The following NEK9 variants were observed in gnomAD, a reference collection of about 807,000 sequenced individuals.
The protein encoded by NEK9 is serine/threonine-protein kinase Nek9.
In NEK9, 75 loss-of-function variants were observed where a neutral mutation model predicts 123.4. The observed-to-expected ratio is 0.61, with a 90% confidence interval of 0.50 to 0.74. The LOEUF (loss-of-function observed/expected upper bound fraction) is 0.74. Ranked by LOEUF, NEK9 falls within the 30% of genes least tolerant of loss-of-function variation. NEK9 has a pLI of 0.00. For synonymous variants in NEK9, 438 were observed against 458.7 expected (o/e 0.95, Z 0.58); for missense variants, 952 against 1,214.4 (o/e 0.78, Z 3.21).
chr14:75,087,041 T>C lies in NEK9; in HGVS notation c.2794A>G (p.Lys932Glu). ...ACCTGCTGCCCTCCTTCTAATTTCT[T>C]GTTCAACTTCTGCAGTTGGGTAAAA... Reference protein sequence around the residue: ...QIFTQLQKLNKKLEGGQQVGM... With the variant: ...QIFTQLQKLNEKLEGGQQVGM... Residue 932 changes from lysine (K) to glutamate (E), a missense_variant, in exon 21 of 22, where the codon AAG becomes GAG. Coordinates refer to ENST00000238616, the MANE Select transcript of NEK9 (RefSeq NM_033116.6). 3 of 1,614,266 alleles carry C rather than the reference T, an allele frequency of 1.9e-6. No individual in the cohort carries two copies. The highest frequency in any genetic ancestry group is 2.5e-6 in the Non-Finnish European group (3 of 1,180,042).
At chr14:75,101,175 A>G (rs762027439) in intron 15 of NEK9, 22 bp from the exon 16 acceptor site, 7 of 1,607,074 alleles carry the variant, frequency 4.4e-6, no homozygotes, top group East Asian at 2.2e-5. Context: ...GCAAAAAGAA[A>G]TAACAAGGCA....
chr14:75,116,250 A>G (rs1895137453), intron 6 of NEK9, among the ~76,000 whole-genome samples: 2 of 152,202 alleles, frequency 1.3e-5, no homozygotes. Flanking sequence ...TTTTGAAACA[A>G]GCTTGGGTAA....
chr14:75,101,117 C>T lies in NEK9; in HGVS notation c.1877G>A (p.Cys626Tyr), dbSNP rs776307719. 2 of 1,614,112 alleles carry T rather than the reference C, an allele frequency of 1.2e-6. No homozygotes were observed. Among genetic ancestry groups the T allele is most frequent in the East Asian group, 4.5e-5 (2 of 44,900 alleles). Residue 626 changes from cysteine (C) to tyrosine (Y), a missense_variant, in exon 16 of 22, where the codon TGT (cysteine) becomes TAT (tyrosine). Physicochemically the swap from Cys to Tyr is radical, Grantham distance 194. Transcript: ENST00000238616. ...GRLLTFGCNKCGQLGVGNYKK... is the reference protein window; with the variant it reads ...GRLLTFGCNKYGQLGVGNYKK... The stretch of plus-strand genomic sequence containing the variant: ...GTAGTTCCCAACGCCCAGCTGCCCA[C>T]ACTTGTTGCAGCCAAAGGTCAGCAG...
intron 21 of NEK9, among the ~76,000 whole-genome samples, chr14:75,086,252 G>A (rs926900486): frequency 6.6e-6 from 1 of 151,576 alleles, no homozygotes; most frequent in Non-Finnish European, 1.5e-5. Flanking sequence ...TGATGGTGGT[G>A]GAGGGAGCTG....
chr14:75,099,202 G>A (rs1195714805), intron 16 of NEK9, among the ~76,000 whole-genome samples: 1 of 152,104 alleles, frequency 6.6e-6, no homozygotes, highest in African/African-American at 2.4e-5. Flanking sequence ...GCACACGCCT[G>A]TAATTCCAGC....
At chr14:75,088,135 C>G (rs1447935779) in intron 20 of NEK9, among the ~76,000 whole-genome samples, 1 of 152,196 alleles carries the variant, frequency 6.6e-6, no homozygotes, top group Non-Finnish European at 1.5e-5. Flanking sequence ...TGTGTTGCTT[C>G]CTCACTAGAC....
chr14:75,102,388 C>A (rs1594834709), intron 14 of NEK9, among the ~76,000 whole-genome samples: 1 of 152,020 alleles, frequency 6.6e-6, no homozygotes, highest in East Asian at 1.9e-4. Context: ...TGCTTTGTCG[C>A]CCAGGCTGGA....
chr14:75,126,608 C>T (rs1481241206), intron 1 of NEK9, 95 bp downstream of exon 1: 1 of 1,020,426 alleles, frequency 9.8e-7, no homozygotes, highest in Non-Finnish European at 1.3e-6. Flanking sequence ...GCCTAAAGCA[C>T]TAAGCTCACG....
chr14:75,120,006 A>G (rs1895273047), intron 4 of NEK9, among the ~76,000 whole-genome samples: 2 of 152,244 alleles, frequency 1.3e-5, no homozygotes, highest in Non-Finnish European at 2.9e-5. Flanking sequence ...CTCACTTAAG[A>G]AGGGCATAAT....
At chr14:75,120,234 C>G (rs1895280433) in intron 4 of NEK9, among the ~76,000 whole-genome samples, 1 of 152,148 alleles carries the variant, frequency 6.6e-6, no homozygotes, top group Non-Finnish European at 1.5e-5. Context: ...CCCTTCTAGG[C>G]TTTACTGATG....
intron 8 of NEK9, among the ~76,000 whole-genome samples, chr14:75,111,066 C>T (rs1473521640): frequency 1.3e-5 from 2 of 152,180 alleles, no homozygotes; most frequent in Non-Finnish European, 2.9e-5. Context: ...TGCCAAATAA[C>T]TCTTCCTTAG....
At chr14:75,092,397 G>A (rs1894248613) in intron 18 of NEK9, among the ~76,000 whole-genome samples, 1 of 151,998 alleles carries the variant, frequency 6.6e-6, no homozygotes, top group African/African-American at 2.4e-5. Context: ...CTCCTGAGTA[G>A]CTGGGATTAC....
intron 18 of NEK9, chr14:75,091,684 G>A: frequency 2.3e-6 from 1 of 442,728 alleles, no homozygotes; most frequent in East Asian, 3.6e-5. Flanking sequence ...TGTATATCAG[G>A]ATGCTCATAA....
At chr14:75,122,470 T>C (rs577796271) in intron 2 of NEK9, among the ~76,000 whole-genome samples, 2 of 152,310 alleles carry the variant, frequency 1.3e-5, no homozygotes, top group East Asian at 1.9e-4. Flanking sequence ...CCAAGCACTA[T>C]GCATGTAATA....
intron 7 of NEK9, among the ~76,000 whole-genome samples, 178 bp downstream of exon 7, chr14:75,114,025 T>C (rs1344203225): frequency 6.6e-6 from 1 of 152,232 alleles, no homozygotes; most frequent in African/African-American, 2.4e-5. Context: ...TAAGAATTTG[T>C]TCACTGAAGC....
rs1252853595 is a variant in NEK9, at chr14:75,124,282, C to T, written c.220-59G>A. 6.0e-6 allele frequency: 9 copies of T among 1,503,602 alleles called. 1 individual carries two copies. In the Middle Eastern group the frequency reaches 1.2e-3, roughly 202 times the overall value. The allele number at this position is 1,503,602 out of a possible 1,614,324, so 93.1% of individuals were successfully genotyped here. A position where few individuals can be genotyped will look rare whatever the true frequency, so the allele number is the denominator to read the frequency against. Reference sequence around the variant, plus strand: ...TCTTGCCTGGCAGCAAATGAATCCACACCTAGATCTGTAAGCCTAGAAGGA... The same window carrying T: ...TCTTGCCTGGCAGCAAATGAATCCATACCTAGATCTGTAAGCCTAGAAGGA... On this transcript the variant is annotated intron_variant, in intron 1 of 21. Transcript: ENST00000238616.
In NEK9 at chr14:75,118,845, A is replaced by G; in HGVS notation, c.615T>C (p.Tyr205=). 6.3e-7 allele frequency: 1 copy of G among 1,598,072 alleles called. No homozygotes were observed. The highest frequency in any genetic ancestry group is 8.6e-7 in the Non-Finnish European group (1 of 1,165,530). Residue 205 remains tyrosine, a synonymous_variant, in exon 5 of 22, where the codon TAT becomes TAC. Transcript: ENST00000238616. The part of the protein sequence containing the change: ...YGLAKKLNSE[Y]SMAETLVGTP... ...CAACACATACCGTCTCAGCCATGGA[A>G]TACTCAGAATTAAGTTTCTTTGCTA... is the stretch of plus-strand genomic sequence containing the variant.
chr14:75,097,849 A>T (rs961182025), intron 16 of NEK9, among the ~76,000 whole-genome samples: 30 of 152,278 alleles, frequency 2.0e-4, no homozygotes, highest in Admixed American at 2.0e-3. Flanking sequence ...AGCAACAGCA[A>T]AAGTAATGTC....
At chr14:75,105,087 T>C (rs1253337391) in intron 13 of NEK9, among the ~76,000 whole-genome samples, 1 of 152,122 alleles carries the variant, frequency 6.6e-6, no homozygotes, top group Admixed American at 6.5e-5. Context: ...CATATCTTTT[T>C]ACAGCTAACT....
Sources: gnomAD v4.1 joint callset for allele counts (sites outside exome capture counted in the v4.1 genomes callset) on GRCh38, gnomAD v4.1.1 for gene constraint, MANE v1.5 for transcripts, NCBI Gene and HGNC (gene_info 2026-07-23, HGNC 2026-07-21) for gene names.